Variants in NSRP1 observed in about 807,000 individuals in gnomAD.
NSRP1 encodes the protein nuclear speckle splicing regulatory protein 1.
A neutral mutation model predicts 54.7 loss-of-function variants in NSRP1; 24 were observed. That is an observed-to-expected ratio of 0.44 (90% confidence interval 0.32 to 0.62). NSRP1 has a LOEUF of 0.62. NSRP1 is among the 20% of genes least tolerant of loss of function. The probability of loss-of-function intolerance (pLI) is 0.06; values close to 1 mark genes in which losing one functional copy is unlikely to be tolerated. For synonymous variants in NSRP1, 210 were observed against 213.8 expected, an observed-to-expected ratio of 0.98 and a Z score of 0.15; for missense variants, 596 against 651.2, an observed-to-expected ratio of 0.92 and a Z score of 0.92.
At chr17:30,140,882 G>A (rs1365458941) in intron 2 of NSRP1, among the ~76,000 whole-genome samples, 1 of 152,026 alleles carries the variant, frequency 6.6e-6, no homozygotes, top group Non-Finnish European at 1.5e-5. Flanking sequence ...TAGAGACAGG[G>A]TCTCACTGTG....
At chr17:30,169,708 G>T (rs2143007865) in intron 2 of NSRP1, among the ~76,000 whole-genome samples, 1 of 152,094 alleles carries the variant, frequency 6.6e-6, no homozygotes, top group East Asian at 1.9e-4. Flanking sequence ...CCCCCAGTTA[G>T]TCAGTTTACC....
intron 6 of NSRP1, 56 bp downstream of exon 6, chr17:30,181,072 T>C: frequency 9.2e-7 from 1 of 1,090,214 alleles, no homozygotes; most frequent in Non-Finnish European, 1.4e-6. Flanking sequence ...AATCTGTGGT[T>C]GTGGGGTCAT....
intron 2 of NSRP1, among the ~76,000 whole-genome samples, chr17:30,137,011 C>T (rs912963961): frequency 3.3e-5 from 5 of 151,854 alleles, no homozygotes; most frequent in Admixed American, 2.0e-4. Context: ...AATCATAGTA[C>T]CTGAAAATGA....
intron 2 of NSRP1, among the ~76,000 whole-genome samples, chr17:30,122,844 A>G (rs1597592290): frequency 6.6e-6 from 1 of 152,288 alleles, no homozygotes; most frequent in African/African-American, 2.4e-5. Context: ...TAGAAGGTGT[A>G]CAGTGGTATC....
chr17:30,150,893 G>A (rs1472667713), intron 2 of NSRP1, among the ~76,000 whole-genome samples: 1 of 151,500 alleles, frequency 6.6e-6, no homozygotes, highest in African/African-American at 2.4e-5. Flanking sequence ...TTGCTGTGTT[G>A]GCCATGCTGG....
intron 2 of NSRP1, among the ~76,000 whole-genome samples, chr17:30,169,846 G>GA (rs968110521): frequency 1.0e-3 from 145 of 142,390 alleles, no homozygotes; most frequent in African/African-American, 3.0e-3. Flanking sequence ...TTATTACCAT[G>GA]AAAAAAAAAA....
intron 1 of NSRP1, 181 bp downstream of exon 1, chr17:30,117,044 G>T: frequency 2.4e-6 from 2 of 840,352 alleles, no homozygotes; most frequent in East Asian, 2.6e-5. Context: ...TTCCCGGATG[G>T]AAGCCCGAAG....
At chr17:30,145,981 C>T (rs1272750471) in intron 2 of NSRP1, among the ~76,000 whole-genome samples, 1 of 149,464 alleles carries the variant, frequency 6.7e-6, no homozygotes, top group African/African-American at 2.4e-5. Context: ...TTCCGAGTAG[C>T]TAGGACTGCA....
intron 3 of NSRP1, among the ~76,000 whole-genome samples, chr17:30,176,761 G>A (rs1329504723): frequency 1.3e-5 from 2 of 152,116 alleles, no homozygotes; most frequent in South Asian, 2.1e-4. Flanking sequence ...CAACATCTAG[G>A]CAGGAGAATC....
Position 30,116,863 on chromosome 17 carries a change from A to C in NSRP1, c.20A>C (p.Gln7Pro). The change falls in exon 1 of 7, where the codon CAG becomes CCG. Residue 7 changes from glutamine (Q) to proline (P), a missense_variant and splice_region_variant. Physicochemically the swap from Gln to Pro is moderately conservative, Grantham distance 76. Transcript: ENST00000247026. ...AGCAAGATGGCGATTCCGGGCAGGC[A>C]GTGAGTGATCCGGGAGTTAGGGTCA... MAIPGR[Q>P]YGLILPKKTQ... is the part of the protein sequence containing the mutation. 1.9e-6 allele frequency: 3 copies of C among 1,574,924 alleles called. No homozygotes were observed. The highest frequency in any genetic ancestry group is 2.6e-6 in the Non-Finnish European group (3 of 1,159,722).
chr17:30,155,935 GT>G lies in NSRP1; in HGVS notation c.115-16605del, dbSNP rs1242285133. On this transcript the variant is annotated intron_variant, in intron 2 of 6. Coordinates refer to ENST00000247026, the MANE Select transcript of NSRP1 (RefSeq NM_032141.4). ...GCTCACTGCACCCTCCACCTCCCAG[GT>G]TCAAGCAGTTCTCGTGCCTCAGCCT... Among the ~76,000 whole-genome samples the G allele has an allele frequency of 2.0e-5, 3 of 151,912 alleles. No homozygotes were observed. The East Asian group carries it at 5.8e-4, about 30-fold the overall frequency.
chr17:30,180,082 C>A (rs1488715198), intron 5 of NSRP1, among the ~76,000 whole-genome samples: 1 of 152,166 alleles, frequency 6.6e-6, no homozygotes, highest in Non-Finnish European at 1.5e-5. Flanking sequence ...AGCAATCTTC[C>A]TGCCTCAGCC....
At chr17:30,135,665 G>A (rs913958367) in intron 2 of NSRP1, among the ~76,000 whole-genome samples, 21 of 150,098 alleles carry the variant, frequency 1.4e-4, no homozygotes, top group East Asian at 6.2e-4. Context: ...TAGTAGAGAC[G>A]GGGTTTCACC....
At chr17:30,163,375 A>T (rs146379169) in intron 2 of NSRP1, among the ~76,000 whole-genome samples, 1 of 151,478 alleles carries the variant, frequency 6.6e-6, no homozygotes, top group Non-Finnish European at 1.5e-5. Context: ...GCCTGACCCT[A>T]ATTCTTTTCT....
intron 2 of NSRP1, among the ~76,000 whole-genome samples, chr17:30,127,573 C>T (rs2071661761): frequency 6.6e-6 from 1 of 152,094 alleles, no homozygotes; most frequent in Admixed American, 6.6e-5. Context: ...GCCACCACAT[C>T]TGGCTAATTT....
intron 2 of NSRP1, among the ~76,000 whole-genome samples, chr17:30,146,369 G>A (rs1310788235): frequency 6.6e-6 from 1 of 152,164 alleles, no homozygotes; most frequent in African/African-American, 2.4e-5. Context: ...ACATGTAAGT[G>A]TGGTATAGTT....
chr17:30,152,423 AT>A (rs200742872), intron 2 of NSRP1, among the ~76,000 whole-genome samples: 393 of 132,102 alleles, frequency 3.0e-3, no homozygotes, highest in Non-Finnish European at 2.8e-3. Flanking sequence ...CAGCCTAAGA[AT>A]TTTTTTTTTT....
chr17:30,131,975 G>A (rs981250035), intron 2 of NSRP1, among the ~76,000 whole-genome samples: 4 of 152,158 alleles, frequency 2.6e-5, no homozygotes, highest in African/African-American at 7.2e-5. Context: ...AAGGCCAGGC[G>A]CGGTGGCTCA....
intron 2 of NSRP1, among the ~76,000 whole-genome samples, chr17:30,141,235 A>G (rs572555689): frequency 1.3e-5 from 2 of 152,204 alleles, no homozygotes; most frequent in East Asian, 3.9e-4. Context: ...GTTGTCTTTT[A>G]CAATTAATTT....
Sources: allele counts gnomAD v4.1 joint callset (sites outside exome capture counted in the v4.1 genomes callset), GRCh38; gene constraint gnomAD v4.1.1; transcripts MANE v1.5; gene names NCBI Gene and HGNC (gene_info 2026-07-23, HGNC 2026-07-21).